Variants in SYNE1 observed in about 807,000 individuals in gnomAD.
SYNE1 encodes nesprin-1.
SYNE1 carries 616 observed loss-of-function variants against 1,111.0 expected under a neutral mutation model. The observed-to-expected ratio is 0.55, with a 90% CI of 0.52 to 0.59. The LOEUF is 0.59. SYNE1 is among the 20% of genes least tolerant of loss of function. The pLI is 0.00. For synonymous variants in SYNE1, 3,855 were observed against 3,825.8 expected (o/e 1.01, Z -0.28); for missense variants, 10,006 against 10,417.0 (o/e 0.96, Z 1.72).
chr6:152,226,451 A>C (rs948361101), intron 115 of SYNE1, among the ~76,000 whole-genome samples: 4 of 151,998 alleles, frequency 2.6e-5, no homozygotes, highest in Non-Finnish European at 2.9e-5. Flanking sequence ...TCTCTAAAAT[A>C]CTCTGAATTC....
At chr6:152,391,058 A>T (rs976725922) in intron 52 of SYNE1, among the ~76,000 whole-genome samples, 7 of 152,166 alleles carry the variant, frequency 4.6e-5, no homozygotes, top group African/African-American at 1.7e-4. Flanking sequence ...ATATTTACTA[A>T]ATCAAATTTA....
At chr6:152,599,881 T>C (rs999254476) in intron 3 of SYNE1, among the ~76,000 whole-genome samples, 2 of 152,180 alleles carry the variant, frequency 1.3e-5, no homozygotes, top group African/African-American at 4.8e-5. Flanking sequence ...TAGATGAAGA[T>C]GAACTACATG....
intron 40 of SYNE1, among the ~76,000 whole-genome samples, chr6:152,418,257 T>G (rs1169217873): frequency 2.0e-5 from 3 of 152,204 alleles, no homozygotes; most frequent in African/African-American, 7.2e-5. Flanking sequence ...AATATTTTTC[T>G]GAAGGACCTG....
chr6:152,382,593 C>A (rs1591579232), intron 55 of SYNE1, among the ~76,000 whole-genome samples: 1 of 151,844 alleles, frequency 6.6e-6, no homozygotes, highest in Admixed American at 6.6e-5. Context: ...GTATATTCAA[C>A]CTTCTCAGCA....
At chr6:152,545,110 T>C (rs1402369559) in intron 3 of SYNE1, among the ~76,000 whole-genome samples, 2 of 152,204 alleles carry the variant, frequency 1.3e-5, no homozygotes, top group Non-Finnish European at 2.9e-5. Flanking sequence ...TATTTTAATA[T>C]ATTGAATACA....
chr6:152,319,463 A>G (rs1400503246), intron 84 of SYNE1, among the ~76,000 whole-genome samples: 1 of 152,200 alleles, frequency 6.6e-6, no homozygotes, highest in Non-Finnish European at 1.5e-5. Flanking sequence ...ACTCTTAATG[A>G]TCTGTTAACT....
At chr6:152,258,993 C>T (rs938199749) in intron 101 of SYNE1, among the ~76,000 whole-genome samples, 3 of 152,132 alleles carry the variant, frequency 2.0e-5, no homozygotes, top group Admixed American at 6.5e-5. Context: ...GATCCGCCCG[C>T]CTCAGCCTCC....
At chr6:152,164,040 A>C (rs1196073043) in intron 131 of SYNE1, 123 bp downstream of exon 131, 1 of 1,338,430 alleles carries the variant, frequency 7.5e-7, no homozygotes, top group Non-Finnish European at 1.1e-6. Context: ...CTTCCTCACC[A>C]GTCCTGCCTA....
At chr6:152,367,770 A>C in intron 61 of SYNE1, 1 of 237,178 alleles carries the variant, frequency 4.2e-6, no homozygotes, top group Non-Finnish European at 8.4e-6. Flanking sequence ...AGTTCTAAAA[A>C]AAAAATAATC....
intron 100 of SYNE1, 103 bp from the exon 101 acceptor site, chr6:152,262,291 A>C: frequency 9.3e-7 from 1 of 1,073,388 alleles, no homozygotes; most frequent in Non-Finnish European, 1.4e-6. Flanking sequence ...ATGAAATAAG[A>C]TTACCTTAGT....
intron 125 of SYNE1, among the ~76,000 whole-genome samples, chr6:152,206,735 G>A (rs1387557485): frequency 6.6e-6 from 1 of 152,196 alleles, no homozygotes; most frequent in Non-Finnish European, 1.5e-5. Context: ...ACCTGGTGCG[G>A]TGAGATGAGT....
chr6:152,351,286 G>A (rs747912987), intron 70 of SYNE1, among the ~76,000 whole-genome samples: 41 of 152,216 alleles, frequency 2.7e-4, no homozygotes, highest in Non-Finnish European at 5.4e-4. Flanking sequence ...AAGACAAGTT[G>A]TCGGGCTTGG....
chr6:152,495,779 G>A (rs1270617821), intron 11 of SYNE1, among the ~76,000 whole-genome samples: 2 of 152,200 alleles, frequency 1.3e-5, no homozygotes, highest in East Asian at 1.9e-4. Context: ...GGGGAAGGAC[G>A]CAGCAGCAGG....
At position 152,484,038 on chromosome 6, in the gene SYNE1, CAAAAAAA is replaced by C. The variant is rs773019397; in HGVS notation, c.1185+790_1186-790del. 2.1e-3 allele frequency among the ~76,000 whole-genome samples: 115 copies of C among 53,508 alleles called. No homozygotes were observed. In the East Asian group the frequency reaches 0.025, roughly 12 times the overall value. 35.1% of individuals were successfully genotyped at this position (53,508 alleles called of 152,430 possible). A position where few individuals can be genotyped will look rare whatever the true frequency, so the allele number is the denominator to read the frequency against. On this transcript the variant is annotated intron_variant, in intron 13 of 145. Coordinates refer to ENST00000367255, the MANE Select transcript of SYNE1 (RefSeq NM_182961.4). Reference sequence around the variant, plus strand: ...GCAATATAGTGAGATCTCATCTCTACAAAAAAAAAAAAAAAAAAAAAAAATTAGCCAA... The same window carrying C: ...GCAATATAGTGAGATCTCATCTCTACAAAAAAAAAAAAAAAAATTAGCCAA...
At chr6:152,132,291 C>T in intron 143 of SYNE1, 77 bp from the exon 144 acceptor site, 2 of 1,186,278 alleles carry the variant, frequency 1.7e-6, no homozygotes, top group South Asian at 2.4e-5. Context: ...ACGTTATCTC[C>T]CACTCCATCT....
At position 152,463,019 on chromosome 6, in the gene SYNE1, A is replaced by G. The variant is rs2098743416; in HGVS notation, c.2098-129T>C. The G allele has an allele frequency of 5.2e-6, 6 of 1,158,818 alleles. No homozygotes were observed. The Admixed American group carries it at 1.2e-4, about 23-fold the overall frequency. The allele number at this position is 1,158,818 out of a possible 1,614,324, so 71.8% of individuals were successfully genotyped here. On this transcript the variant is annotated intron_variant, in intron 19 of 145. Coordinates refer to ENST00000367255, the MANE Select transcript of SYNE1 (RefSeq NM_182961.4). ...AGAAAGACTCTAATCTTTGATTCTC[A>G]TTTTAGATAAATTTGAAGTAAGTCC...
chr6:152,205,928 C>T (rs1025106860), intron 126 of SYNE1, among the ~76,000 whole-genome samples: 4 of 152,172 alleles, frequency 2.6e-5, no homozygotes, highest in Non-Finnish European at 5.9e-5. Flanking sequence ...ATAGCTTAGA[C>T]AGTCTTATTA....
intron 130 of SYNE1, among the ~76,000 whole-genome samples, chr6:152,171,392 G>A (rs1283611305): frequency 6.6e-6 from 1 of 152,240 alleles, no homozygotes; most frequent in East Asian, 1.9e-4. Flanking sequence ...GGGAGTGACT[G>A]CTATGTGCAA....
chr6:152,152,773 C>A (rs2060666641), intron 133 of SYNE1, among the ~76,000 whole-genome samples: 1 of 152,122 alleles, frequency 6.6e-6, no homozygotes, highest in Admixed American at 6.6e-5. Context: ...AAATTTGGAA[C>A]ATGCTCTGTT....
Sources: allele counts gnomAD v4.1 joint callset (sites outside exome capture counted in the v4.1 genomes callset), GRCh38; gene constraint gnomAD v4.1.1; transcripts MANE v1.5; gene names NCBI Gene and HGNC (gene_info 2026-07-23, HGNC 2026-07-21).